KCNJ6: variants seen among roughly 807,000 people sequenced by gnomAD.
The protein encoded by KCNJ6 is G protein-activated inward rectifier potassium channel 2.
In KCNJ6, 9 loss-of-function variants were observed where a neutral mutation model predicts 34.2. The ratio of observed to expected loss-of-function variants is 0.26; its 90% CI spans 0.16 to 0.46. The LOEUF (loss-of-function observed/expected upper bound fraction) is 0.46. Ranked by LOEUF, KCNJ6 falls within the 20% of genes least tolerant of loss-of-function variation. The pLI is 1.00. For synonymous variants in KCNJ6, 196 were observed against 207.1 expected (o/e 0.95, Z 0.46); for missense variants, 236 against 531.3 (o/e 0.44, Z 5.46).
At chr21:37,697,569 T>C (rs1392966560) in intron 3 of KCNJ6, among the ~76,000 whole-genome samples, 2 of 152,200 alleles carry the variant, frequency 1.3e-5, no homozygotes, top group African/African-American at 2.4e-5. Flanking sequence ...ATCAGCTGGA[T>C]AGGAATTAAG....
At chr21:37,843,780 C>T (rs2055492446) in intron 1 of KCNJ6, among the ~76,000 whole-genome samples, 1 of 152,172 alleles carries the variant, frequency 6.6e-6, no homozygotes, top group Non-Finnish European at 1.5e-5. Flanking sequence ...TTAGAGGGAG[C>T]TGATCTCTTT....
At chr21:37,730,242 G>A (rs2054877486) in intron 2 of KCNJ6, among the ~76,000 whole-genome samples, 1 of 152,162 alleles carries the variant, frequency 6.6e-6, no homozygotes, top group South Asian at 2.1e-4. Flanking sequence ...TGCAAAATAG[G>A]GTGAAATGTC....
At chr21:37,892,112 G>T (rs900775550) in intron 1 of KCNJ6, among the ~76,000 whole-genome samples, 2 of 152,184 alleles carry the variant, frequency 1.3e-5, no homozygotes, top group Non-Finnish European at 2.9e-5. Flanking sequence ...CCATGTGGGA[G>T]CTTTTGAAAC....
At chr21:37,741,307 T>G (rs1443523764) in intron 2 of KCNJ6, among the ~76,000 whole-genome samples, 1 of 152,118 alleles carries the variant, frequency 6.6e-6, no homozygotes, top group Admixed American at 6.5e-5. Context: ...GAGAATGACC[T>G]TTCTGGATGT....
chr21:37,907,016 TTAG>T (rs200969039), intron 1 of KCNJ6, among the ~76,000 whole-genome samples: 155 of 152,364 alleles, frequency 1.0e-3, no homozygotes, highest in African/African-American at 3.6e-3. Context: ...GAATTATATG[TTAG>T]TAGCACTATA....
At chr21:37,852,481 T>A (rs1258249158) in intron 1 of KCNJ6, among the ~76,000 whole-genome samples, 1 of 152,178 alleles carries the variant, frequency 6.6e-6, no homozygotes, top group Non-Finnish European at 1.5e-5. Context: ...GGAGACCCAG[T>A]AGGGATCCTG....
chr21:37,700,978 C>T (rs2054688104), intron 3 of KCNJ6, among the ~76,000 whole-genome samples: 1 of 152,098 alleles, frequency 6.6e-6, no homozygotes, highest in Non-Finnish European at 1.5e-5. Context: ...ACCTGGGCAC[C>T]TGGGAGACAA....
chr21:37,629,512 G>A (rs2054324838), intron 3 of KCNJ6, among the ~76,000 whole-genome samples: 1 of 152,052 alleles, frequency 6.6e-6, no homozygotes. Flanking sequence ...TCATACTGGT[G>A]GGCCCTAGTC....
chr21:37,737,448 G>A (rs945297690), intron 2 of KCNJ6, among the ~76,000 whole-genome samples: 1 of 147,424 alleles, frequency 6.8e-6, no homozygotes, highest in Non-Finnish European at 1.5e-5. Context: ...TCAAGAGGGC[G>A]ATTTCTCTGT....
rs1006097076 is a variant in KCNJ6 at position 37,773,342 on chromosome 21, T to C, written c.26-58211A>G. 5.3e-5 allele frequency among the ~76,000 whole-genome samples: 8 copies of C among 152,284 alleles called. No individual in the cohort carries two copies. The South Asian group carries it at 6.2e-4, about 12-fold the overall frequency. ...GTCTTGGGCAAGTCACTCCACTTCC[T>C]TGTCTTCATTTTCAAGGGCAGGAAC... On this transcript the variant is annotated intron_variant, in intron 2 of 3. Transcript: ENST00000609713.
chr21:37,832,764 C>T (rs1160556946), intron 2 of KCNJ6, among the ~76,000 whole-genome samples: 1 of 152,114 alleles, frequency 6.6e-6, no homozygotes, highest in East Asian at 1.9e-4. Context: ...CCAGTGGGGG[C>T]TCCACTGGGA....
At chr21:37,667,923 T>TA (rs1556016470) in intron 3 of KCNJ6, among the ~76,000 whole-genome samples, 3 of 152,062 alleles carry the variant, frequency 2.0e-5, no homozygotes, top group Non-Finnish European at 2.9e-5. Flanking sequence ...CCTGGAGTGG[T>TA]GTCCTCCTCC....
At chr21:37,659,555 G>A (rs1434903604) in intron 3 of KCNJ6, among the ~76,000 whole-genome samples, 5 of 152,222 alleles carry the variant, frequency 3.3e-5, no homozygotes, top group African/African-American at 4.8e-5. Flanking sequence ...GAAGGGCAGA[G>A]GAAAGAGCAG....
chr21:37,755,099 A>G (rs553249358), intron 2 of KCNJ6, among the ~76,000 whole-genome samples: 1 of 152,354 alleles, frequency 6.6e-6, no homozygotes, highest in East Asian at 1.9e-4. Flanking sequence ...AGCGAGACCC[A>G]GTTCTAAATC....
At chr21:37,677,228 G>C (rs2054568815) in intron 3 of KCNJ6, among the ~76,000 whole-genome samples, 1 of 152,140 alleles carries the variant, frequency 6.6e-6, no homozygotes, top group Admixed American at 6.5e-5. Flanking sequence ...GGAGGGAGAG[G>C]ACTCCGGTAC....
chr21:37,728,010 C>T (rs906520348), intron 2 of KCNJ6, among the ~76,000 whole-genome samples: 2 of 152,186 alleles, frequency 1.3e-5, no homozygotes, highest in African/African-American at 4.8e-5. Context: ...TATCCATGTT[C>T]ATAGCAGCGT....
chr21:37,713,395 G>A (rs1258261626), intron 3 of KCNJ6, among the ~76,000 whole-genome samples: 1 of 152,162 alleles, frequency 6.6e-6, no homozygotes, highest in Admixed American at 6.5e-5. Flanking sequence ...GAGGCACTAT[G>A]GTTATCTTGA....
intron 3 of KCNJ6, among the ~76,000 whole-genome samples, chr21:37,670,573 G>T (rs552599945): frequency 1.3e-5 from 2 of 152,078 alleles, no homozygotes; most frequent in Admixed American, 1.3e-4. Context: ...GAAACCAGCC[G>T]GGGCAACGTG....
intron 2 of KCNJ6, among the ~76,000 whole-genome samples, chr21:37,794,438 G>A (rs1178773314): frequency 6.6e-6 from 1 of 152,184 alleles, no homozygotes; most frequent in East Asian, 1.9e-4. Flanking sequence ...TGTGAATTAG[G>A]TAAAATAAGG....
Sources: allele counts gnomAD v4.1 joint callset (sites outside exome capture counted in the v4.1 genomes callset), GRCh38; gene constraint gnomAD v4.1.1; transcripts MANE v1.5; gene names NCBI Gene and HGNC (gene_info 2026-07-23, HGNC 2026-07-21).